Variants in NMNAT2 observed in about 807,000 individuals in gnomAD.
NMNAT2 encodes the protein nicotinamide/nicotinic acid mononucleotide adenylyltransferase 2.
NMNAT2 carries 11 observed loss-of-function variants against 41.6 expected under a neutral mutation model. The ratio of observed to expected loss-of-function variants is 0.26; its 90% confidence interval spans 0.17 to 0.44. The LOEUF (loss-of-function observed/expected upper bound fraction) is 0.44. Among genes scored for constraint, NMNAT2 ranks in the 20% least tolerant of loss-of-function variants. The pLI, the probability that NMNAT2 is intolerant of heterozygous loss-of-function variation, is 1.00. For missense variants in NMNAT2, 288 were observed against 407.7 expected, an observed-to-expected ratio of 0.71 and a Z score of 2.53; for synonymous variants, 148 against 151.2, an observed-to-expected ratio of 0.98 and a Z score of 0.16.
chr1:183,294,203 G>A (rs751684869), intron 1 of NMNAT2, among the ~76,000 whole-genome samples: 11 of 152,140 alleles, frequency 7.2e-5, no homozygotes, highest in Non-Finnish European at 1.5e-4. Context: ...TAATATGAAA[G>A]ATGTGCTGAT....
rs71130613 is a variant in NMNAT2 at position 183,413,602 on chromosome 1, C to CTTTTT, written c.85+4576_85+4580dup. The stretch of plus-strand genomic sequence containing the variant: ...AAGAAATATTAATTTTCTTTTCTTT[C>CTTTTT]TTTTTTTTTTTTTTTTTTTTTTGAG... On this transcript the variant is annotated intron_variant, in intron 1 of 10. Transcript: ENST00000287713. Among the ~76,000 whole-genome samples the CTTTTT allele has an allele frequency of 8.2e-4, 68 of 82,536 alleles. 1 individual carries two copies. Among genetic ancestry groups the CTTTTT allele is most frequent in the Middle Eastern group, 0.011 (1 of 90 alleles). 54.1% of individuals were successfully genotyped at this position (82,536 alleles called of 152,430 possible). A position where few individuals can be genotyped will look rare whatever the true frequency, so the allele number is the denominator to read the frequency against.
intron 8 of NMNAT2, among the ~76,000 whole-genome samples, chr1:183,269,762 C>T (rs571914889): frequency 7.2e-5 from 11 of 152,324 alleles, no homozygotes; most frequent in African/African-American, 2.6e-4. Context: ...AATAACCTGT[C>T]CAAGTTGCAC....
intron 10 of NMNAT2, among the ~76,000 whole-genome samples, chr1:183,253,947 G>GTGTA (rs1553268697): frequency 6.7e-5 from 10 of 148,868 alleles, no homozygotes; most frequent in African/African-American, 2.5e-4. Context: ...GTGTGTGTAT[G>GTGTA]TGTGTGTGTA....
At chr1:183,283,511 T>G (rs1571571959) in intron 7 of NMNAT2, 1 of 187,130 alleles carries the variant, frequency 5.3e-6, no homozygotes. Flanking sequence ...TGGTATTGGG[T>G]TGGGCAGGCA....
At chr1:183,372,571 A>C (rs1363504776) in intron 1 of NMNAT2, among the ~76,000 whole-genome samples, 1 of 152,196 alleles carries the variant, frequency 6.6e-6, no homozygotes, top group Non-Finnish European at 1.5e-5. Flanking sequence ...AATAGATCCC[A>C]ATGTTCAATG....
intron 1 of NMNAT2, among the ~76,000 whole-genome samples, chr1:183,345,101 A>G (rs1662897738): frequency 7.3e-6 from 1 of 137,788 alleles, no homozygotes; most frequent in Non-Finnish European, 1.6e-5. Flanking sequence ...TGACACCGCT[A>G]ATATACAATC....
intron 1 of NMNAT2, among the ~76,000 whole-genome samples, chr1:183,326,410 AAGAGAACTATTT>A (rs1468621166): frequency 1.3e-5 from 2 of 149,756 alleles, no homozygotes; most frequent in Non-Finnish European, 1.5e-5. Context: ...AAGACAGGGG[AAGAGAACTATTT>A]AGATATGGTT....
chr1:183,267,479 T>A (rs1053102100), intron 8 of NMNAT2, among the ~76,000 whole-genome samples: 1 of 152,184 alleles, frequency 6.6e-6, no homozygotes, highest in Non-Finnish European at 1.5e-5. Context: ...TTAAATCACA[T>A]GGACAATTAC....
Position 183,390,331 on chromosome 1 carries a change from A to T in NMNAT2, c.85+27852T>A, listed in dbSNP as rs190095150. 7.1e-4 allele frequency among the ~76,000 whole-genome samples: 108 copies of T among 152,312 alleles called. 1 individual carries two copies. The highest frequency in any genetic ancestry group is 2.3e-3 in the African/African-American group (97 of 41,582). On this transcript the variant is annotated intron_variant, in intron 1 of 10. Transcript: ENST00000287713. Reference sequence around the variant, plus strand: ...TGTCAACAGTCAAAGTTACCTTCACACCCTAATCTTGTCTCCATGCCCTCA... The same window carrying T: ...TGTCAACAGTCAAAGTTACCTTCACTCCCTAATCTTGTCTCCATGCCCTCA...
At chr1:183,328,178 G>A (rs867509468) in intron 1 of NMNAT2, among the ~76,000 whole-genome samples, 67 of 152,196 alleles carry the variant, frequency 4.4e-4, no homozygotes, top group Middle Eastern at 6.8e-3. Context: ...GCAGGTCCCT[G>A]AAAACTGAAA....
rs192477557 is a variant in NMNAT2, at chr1:183,305,227, G to A, written c.86-11434C>T. Among the ~76,000 whole-genome samples the A allele has an allele frequency of 2.6e-3, 388 of 151,450 alleles. 1 individual carries two copies. The highest frequency in any genetic ancestry group is 7.0e-3 in the Admixed American group (107 of 15,214). On this transcript the variant is annotated intron_variant, in intron 1 of 10. Transcript: ENST00000287713. ...ACGAAACCAAGGTTTCCCCTTCAGC[G>A]AAACTCAAAAACACATGAGAGAATT...
chr1:183,261,922 A>C (rs1660668569), intron 8 of NMNAT2, among the ~76,000 whole-genome samples: 2 of 11,200 alleles, frequency 1.8e-4, no homozygotes, highest in South Asian at 0.036. Context: ...TGAGAAATGA[A>C]ATTTTTTTTT....
chr1:183,304,558 C>T lies in NMNAT2; in HGVS notation c.86-10765G>A. ...CTAAACAGGCATGCACAGAGCAGCCCTGCAAACCTTGAGAAGCTCCGCTGG... is the reference window on the plus strand; with the variant it reads ...CTAAACAGGCATGCACAGAGCAGCCTTGCAAACCTTGAGAAGCTCCGCTGG... On this transcript the variant is annotated intron_variant, in intron 1 of 10. Transcript: ENST00000287713. The T allele has an allele frequency of 4.0e-6, 4 of 999,744 alleles. No homozygotes were observed. In the South Asian group the frequency reaches 4.2e-5, roughly 10 times the overall value. The allele number at this position is 999,744 out of a possible 1,614,324, so 61.9% of individuals were successfully genotyped here.
intron 10 of NMNAT2, among the ~76,000 whole-genome samples, chr1:183,260,297 A>G (rs1660624564): frequency 6.6e-6 from 1 of 152,226 alleles, no homozygotes; most frequent in South Asian, 2.1e-4. Flanking sequence ...TGGAAGCTTC[A>G]TATGGATGAG....
intron 1 of NMNAT2, among the ~76,000 whole-genome samples, chr1:183,357,300 G>C (rs1387386389): frequency 6.9e-6 from 1 of 145,836 alleles, no homozygotes; most frequent in Non-Finnish European, 1.5e-5. Flanking sequence ...CACGATCTTG[G>C]CTCACTGCAA....
chr1:183,403,428 TGAA>T (rs1648870075), intron 1 of NMNAT2, among the ~76,000 whole-genome samples: 1 of 147,664 alleles, frequency 6.8e-6, no homozygotes, highest in Admixed American at 6.8e-5. Context: ...AAGGGACAAG[TGAA>T]GAGGAACAAC....
rs201073414 is a variant in NMNAT2, at chr1:183,418,190, C to A, written c.78G>T (p.Gln26His). The A allele has an allele frequency of 8.5e-5, 137 of 1,613,902 alleles. No individual in the cohort carries two copies. Among genetic ancestry groups the A allele is most frequent in the Non-Finnish European group, 1.1e-4 (133 of 1,180,008 alleles). Residue 26 changes from glutamine (Q) to histidine (H), a missense_variant, in exon 1 of 11, where the codon CAG becomes CAT. Coordinates refer to ENST00000287713, the MANE Select transcript of NMNAT2 (RefSeq NM_015039.4). ...SFNPITKGHI[Q>H]MFERARDYLH... is the part of the protein sequence containing the mutation. ...GTGGGCGGGAGGACTCACCAAACAT[C>A]TGAATGTGCCCTTTGGTGATGGGAT... is the stretch of plus-strand genomic sequence containing the variant.
chr1:183,280,725 G>T lies in NMNAT2; in HGVS notation c.575-2096C>A, dbSNP rs866712005. 2.0e-5 allele frequency among the ~76,000 whole-genome samples: 3 copies of T among 147,252 alleles called. No homozygotes were observed. In the South Asian group the frequency reaches 6.6e-4, roughly 32 times the overall value. On this transcript the variant is annotated intron_variant, in intron 7 of 10. Coordinates refer to ENST00000287713, the MANE Select transcript of NMNAT2 (RefSeq NM_015039.4). ...TAAAACATTATGAGATTTTTTTTTG[G>T]CGACTTTTTTTCTTTTTTTTTGCTC...
chr1:183,418,105 C>G, intron 1 of NMNAT2, 78 bp downstream of exon 1: 1 of 1,377,194 alleles, frequency 7.3e-7, no homozygotes, highest in Non-Finnish European at 1.0e-6. Context: ...CCTTCCCGTT[C>G]GATCGCCCTG....
Sources: allele counts gnomAD v4.1 joint callset (sites outside exome capture counted in the v4.1 genomes callset), GRCh38; gene constraint gnomAD v4.1.1; transcripts MANE v1.5; gene names NCBI Gene and HGNC (gene_info 2026-07-23, HGNC 2026-07-21).